TYMS: variants seen among roughly 807,000 people sequenced by gnomAD.
TYMS encodes thymidylate synthetase, also known as thymidylate synthase.
Under a neutral mutation model 39.3 loss-of-function variants are expected in TYMS, and 21 were observed. The ratio of observed to expected loss-of-function variants is 0.54; its 90% confidence interval spans 0.38 to 0.77. The LOEUF (loss-of-function observed/expected upper bound fraction) is 0.77. Ranked by LOEUF, TYMS falls within the 30% of genes least tolerant of loss-of-function variation. The probability of loss-of-function intolerance (pLI) is 0.00; values close to 1 mark genes in which losing one functional copy is unlikely to be tolerated. For synonymous variants in TYMS, 171 were observed against 162.2 expected (o/e 1.05, Z -0.41); for missense variants, 273 against 406.7 (o/e 0.67, Z 2.83).
intron 2 of TYMS, among the ~76,000 whole-genome samples, chr18:661,367 T>A (rs2074753887): frequency 6.6e-6 from 1 of 152,236 alleles, no homozygotes; most frequent in Non-Finnish European, 1.5e-5. Flanking sequence ...GGTGACTCGA[T>A]CAAATACAGG....
chr18:663,870 A>T (rs2074781034), intron 3 of TYMS, among the ~76,000 whole-genome samples: 1 of 110,170 alleles, frequency 9.1e-6, no homozygotes, highest in Non-Finnish European at 1.8e-5. Flanking sequence ...TGTTCCATTG[A>T]TCTATATGTC....
intron 3 of TYMS, among the ~76,000 whole-genome samples, chr18:667,233 A>ATGGAGATGGAGATGGTGATGGT (rs2074859044): frequency 7.7e-5 from 1 of 13,024 alleles, no homozygotes; most frequent in Non-Finnish European, 1.2e-4. Flanking sequence ...ATGGTGATGG[A>ATGGAGATGGAGATGGTGATGGT]GATGGAGATG....
Position 660,417 on chromosome 18 carries a change from T to G in TYMS, c.279+703T>G, listed in dbSNP as rs2074745372. ...CATCACCATCTGATGTATGTCAGCC[T>G]TTCCCTTCCCCTGTTAGAAGGGGGA... On this transcript the variant is annotated intron_variant, in intron 2 of 6. Transcript: ENST00000323274. The surrounding 1 kb of genome is among the most constrained non-coding windows in gnomAD (Gnocchi z 4.6). Among the ~76,000 whole-genome samples, 1 of 151,176 alleles carries G rather than the reference T, an allele frequency of 6.6e-6. No homozygotes were observed.
chr18:670,517 C>G (rs748572029), intron 4 of TYMS, 175 bp from the exon 5 acceptor site: 7 of 636,968 alleles, frequency 1.1e-5, no homozygotes, highest in Non-Finnish European at 1.9e-5. Context: ...GATAGTCTCC[C>G]TCAGCTCCGT....
intron 2 of TYMS, among the ~76,000 whole-genome samples, chr18:661,492 G>T (rs1306968984): frequency 6.6e-6 from 1 of 152,206 alleles, no homozygotes; most frequent in Non-Finnish European, 1.5e-5. Context: ...TCATTTTGGG[G>T]TATTACATAT....
At chr18:664,337 A>G (rs2074785919) in intron 3 of TYMS, among the ~76,000 whole-genome samples, 1 of 149,986 alleles carries the variant, frequency 6.7e-6, no homozygotes. Flanking sequence ...TTGGTGTATA[A>G]GAATGCTTGT....
chr18:658,353 G>A lies in TYMS; in HGVS notation c.205+406G>A. ...TGGCCCCTCCTCCGTTTTCCCCTGTGGACCATTCCGCTTCGCAGCGTTTTC... is the reference window on the plus strand; with the variant it reads ...TGGCCCCTCCTCCGTTTTCCCCTGTAGACCATTCCGCTTCGCAGCGTTTTC... On this transcript the variant is annotated intron_variant, in intron 1 of 6. Transcript: ENST00000323274. The surrounding 1 kb of genome is among the most constrained non-coding windows in gnomAD (Gnocchi z 4.5). 7.6e-7 allele frequency: 1 copy of A among 1,310,174 alleles called. No homozygotes were observed. Among genetic ancestry groups the A allele is most frequent in the South Asian group, 1.3e-5 (1 of 77,508 alleles). 81.2% of individuals were successfully genotyped at this position (1,310,174 alleles called of 1,614,324 possible).
chr18:658,630 G>C lies in TYMS; in HGVS notation c.205+683G>C. On this transcript the variant is annotated intron_variant, in intron 1 of 6. Coordinates refer to ENST00000323274, the MANE Select transcript of TYMS (RefSeq NM_001071.4). This position sits in a 1 kb window ranked among gnomAD's most constrained non-coding sequence, Gnocchi z 4.5. ...GGGTCATTGGCGCCAGGCTTTCAGG[G>C]GACAGTGGGGCGGGGCGGGGTGGGC... 3.7e-6 allele frequency: 1 copy of C among 267,096 alleles called. No individual in the cohort carries two copies. The highest frequency in any genetic ancestry group is 3.5e-5 in the South Asian group (1 of 28,920). 16.5% of individuals were successfully genotyped at this position (267,096 alleles called of 1,614,324 possible). A position where few individuals can be genotyped will look rare whatever the true frequency, so the allele number is the denominator to read the frequency against.
chr18:669,357 G>A (rs554205011), intron 4 of TYMS, 184 bp downstream of exon 4: 9 of 471,160 alleles, frequency 1.9e-5, no homozygotes, highest in Non-Finnish European at 3.0e-5. Context: ...ATGAGGTTGG[G>A]CCCAGAGGAT....
chr18:669,199 T>C (rs1216146316), intron 4 of TYMS, 26 bp downstream of exon 4: 1 of 1,592,776 alleles, frequency 6.3e-7, no homozygotes, highest in East Asian at 2.2e-5. Flanking sequence ...TCGTCTTCAT[T>C]TATACTAACC....
rs998071246 is a variant in TYMS, at chr18:666,268, T to C, written c.455-2804T>C. 1.2e-4 allele frequency among the ~76,000 whole-genome samples: 18 copies of C among 151,618 alleles called. No homozygotes were observed. In the East Asian group the frequency reaches 3.1e-3, roughly 26 times the overall value. On this transcript the variant is annotated intron_variant, in intron 3 of 6. Coordinates refer to ENST00000323274, the MANE Select transcript of TYMS (RefSeq NM_001071.4). ...TGCTGGGGAATGGGAAGTTCATCGGTGGGACAAGGGACAAAATGCCCCCAT... is the reference window on the plus strand; with the variant it reads ...TGCTGGGGAATGGGAAGTTCATCGGCGGGACAAGGGACAAAATGCCCCCAT...
At chr18:667,083 TGATGGTGATGGAGATGGAGATGGA>T (rs1567989961) in intron 3 of TYMS, among the ~76,000 whole-genome samples, 9 of 52,334 alleles carry the variant, frequency 1.7e-4, no homozygotes, top group Non-Finnish European at 2.3e-4. Context: ...ATGGAGATGG[TGATGGTGATGGAGATGGAGATGGA>T]GATGGTGATG....
At chr18:670,957 C>A (rs761655276) in intron 5 of TYMS, 90 bp downstream of exon 5, 91 of 1,420,876 alleles carry the variant, frequency 6.4e-5, no homozygotes, top group Non-Finnish European at 8.5e-5. Context: ...AGAGTTTAGT[C>A]TCTGATTAGC....
At chr18:668,980 G>A in intron 3 of TYMS, 92 bp from the exon 4 acceptor site, 1 of 1,064,006 alleles carries the variant, frequency 9.4e-7, no homozygotes, top group Non-Finnish European at 1.4e-6. Context: ...GGGGACCCTG[G>A]GTAAGAGACT....
chr18:669,292 GTTGA>G (rs34795969), intron 4 of TYMS, 119 bp downstream of exon 4: 253,074 of 716,222 alleles, frequency 0.35, 49,696 homozygotes, highest in East Asian at 0.66. Flanking sequence ...CAGCCACATG[GTTGA>G]TTGTGTGACG....
At chr18:664,218 G>T (rs1437429809) in intron 3 of TYMS, among the ~76,000 whole-genome samples, 1 of 151,868 alleles carries the variant, frequency 6.6e-6, no homozygotes, top group Non-Finnish European at 1.5e-5. Context: ...AGTTCTCCTT[G>T]AAGAGGTCCT....
intron 3 of TYMS, 81 bp from the exon 4 acceptor site, chr18:668,991 G>A (rs2074921939): frequency 1.4e-5 from 17 of 1,190,222 alleles, no homozygotes; most frequent in Non-Finnish European, 2.1e-5. Context: ...GTAAGAGACT[G>A]TAATAGATGA....
chr18:671,151 A>C (rs2075026682), intron 5 of TYMS: 8 of 613,440 alleles, frequency 1.3e-5, no homozygotes, highest in Non-Finnish European at 2.0e-5. Flanking sequence ...TCATGCCTGT[A>C]ATCCCAGCAC....
chr18:666,891 A>AGATGGTGATGGAGATGGT (rs1598467903), intron 3 of TYMS, among the ~76,000 whole-genome samples: 6 of 62,180 alleles, frequency 9.6e-5, no homozygotes, highest in African/African-American at 2.8e-4. Context: ...AAAGTTCGGG[A>AGATGGTGATGGAGATGGT]GATGGTGATG....
Sources: gnomAD v4.1 joint callset for allele counts (sites outside exome capture counted in the v4.1 genomes callset) on GRCh38, gnomAD v4.1.1 for gene constraint, Gnocchi (gnomAD v3.1) non-coding constraint, MANE v1.5 for transcripts, NCBI Gene and HGNC (gene_info 2026-07-23, HGNC 2026-07-21) for gene names.